PDE1A: variants seen among roughly 807,000 people sequenced by gnomAD.
PDE1A encodes dual specificity calcium/calmodulin-dependent 3',5'-cyclic nucleotide phosphodiesterase 1A.
In PDE1A, 35 loss-of-function variants were observed where a neutral mutation model predicts 61.7. The ratio of observed to expected loss-of-function variants is 0.57; its 90% CI spans 0.43 to 0.75. The LOEUF is 0.75. Among genes scored for constraint, PDE1A ranks in the 30% least tolerant of loss-of-function variants. The pLI is 0.00. For missense variants in PDE1A, 597 were observed against 630.6 expected (o/e 0.95, Z 0.57); for synonymous variants, 232 against 213.2 (o/e 1.09, Z -0.77).
chr2:182,253,220 C>T (rs1691531192), intron 2 of PDE1A, among the ~76,000 whole-genome samples: 1 of 152,188 alleles, frequency 6.6e-6, no homozygotes, highest in Non-Finnish European at 1.5e-5. Context: ...GTCCAACCTA[C>T]CTGGCTGTAA....
intron 1 of PDE1A, among the ~76,000 whole-genome samples, chr2:182,274,578 A>G (rs1295909181): frequency 1.3e-5 from 2 of 152,166 alleles, no homozygotes; most frequent in African/African-American, 2.4e-5. Context: ...TGGCATAAAA[A>G]GCAATCAAAT....
rs201821721 is a variant in PDE1A at position 182,364,466 on chromosome 2, T to TAAAAAAAAAAAAAAAAAAAAAAAA, written c.53+62088_53+62111dup. 2.2e-4 allele frequency among the ~76,000 whole-genome samples: 8 copies of TAAAAAAAAAAAAAAAAAAAAAAAA among 35,838 alleles called. 2 individuals are homozygous for TAAAAAAAAAAAAAAAAAAAAAAAA. Among genetic ancestry groups the TAAAAAAAAAAAAAAAAAAAAAAAA allele is most frequent in the South Asian group, 1.3e-3 (1 of 768 alleles). 23.5% of individuals were successfully genotyped at this position (35,838 alleles called of 152,430 possible). A position where few individuals can be genotyped will look rare whatever the true frequency, so the allele number is the denominator to read the frequency against. On this transcript the variant is annotated intron_variant, in intron 1 of 13. Coordinates refer to ENST00000351439, the Ensembl canonical transcript of PDE1A. ...CTCAGACTATATTAGAACACTTTGG[T>TAAAAAAAAAAAAAAAAAAAAAAAA]AAAAAAAAAAAAAAAAAAAAAAAAA...
chr2:182,344,926 C>T (rs570696338), intron 1 of PDE1A, among the ~76,000 whole-genome samples: 166 of 152,238 alleles, frequency 1.1e-3, no homozygotes, highest in Non-Finnish European at 1.7e-3. Context: ...CTGTAAATGG[C>T]CACCTCATTC....
the PDE1A span, among the ~76,000 whole-genome samples, chr2:182,711,409 G>A: frequency 1.3e-5 from 2 of 152,056 alleles, no homozygotes; most frequent in African/African-American, 4.8e-5. Flanking sequence ...ATATTACATT[G>A]CAATTGGAAA....
At chr2:182,294,621 G>A (rs1694751861) in intron 1 of PDE1A, among the ~76,000 whole-genome samples, 1 of 152,148 alleles carries the variant, frequency 6.6e-6, no homozygotes, top group African/African-American at 2.4e-5. Flanking sequence ...ACATTACCCT[G>A]TGTCTTTCAG....
At chr2:182,468,374 T>A (rs1686809628) in intron 2 of PDE1A, among the ~76,000 whole-genome samples, 1 of 151,992 alleles carries the variant, frequency 6.6e-6, no homozygotes, top group Non-Finnish European at 1.5e-5. Flanking sequence ...GTAGATTCCA[T>A]CTCAATAAAC....
the PDE1A span, among the ~76,000 whole-genome samples, chr2:182,692,880 T>C: frequency 6.6e-6 from 1 of 151,942 alleles, no homozygotes; most frequent in African/African-American, 2.4e-5. Flanking sequence ...TCTGTGATTA[T>C]GTTTTACTTA....
At chr2:182,370,487 AC>A (rs1206577629) in intron 1 of PDE1A, among the ~76,000 whole-genome samples, 1 of 152,178 alleles carries the variant, frequency 6.6e-6, no homozygotes, top group Non-Finnish European at 1.5e-5. Flanking sequence ...TTTAAGGATG[AC>A]TGGGAACAAT....
intron 1 of PDE1A, among the ~76,000 whole-genome samples, chr2:182,318,185 C>T (rs987766273): frequency 3.3e-5 from 5 of 152,086 alleles, no homozygotes; most frequent in African/African-American, 9.7e-5. Flanking sequence ...CTTAATATGT[C>T]CCCTCAATAT....
chr2:182,196,403 T>A (rs1686135249), intron 10 of PDE1A, among the ~76,000 whole-genome samples: 1 of 151,762 alleles, frequency 6.6e-6, no homozygotes, highest in South Asian at 2.1e-4. Context: ...TCTTCAGGAG[T>A]CTCTGGGATT....
At chr2:182,524,876 T>G (rs1030350324), upstream of PDE1A, among the ~76,000 whole-genome samples, 1 of 151,894 alleles carries the variant, frequency 6.6e-6, no homozygotes, top group Non-Finnish European at 1.5e-5. Flanking sequence ...TCAGGTAAAT[T>G]ATCTCTATTA....
downstream of PDE1A, among the ~76,000 whole-genome samples, chr2:182,165,690 T>C (rs1691619339): frequency 1.3e-5 from 2 of 152,210 alleles, no homozygotes. Flanking sequence ...CTGAAGGCAA[T>C]ACAGAATACA....
chr2:182,188,107 T>C (rs1685381124), intron 11 of PDE1A, among the ~76,000 whole-genome samples: 1 of 152,170 alleles, frequency 6.6e-6, no homozygotes, highest in Non-Finnish European at 1.5e-5. Flanking sequence ...TCTACTAACA[T>C]GGCAGCAATT....
intron 2 of PDE1A, among the ~76,000 whole-genome samples, chr2:182,439,313 A>G (rs1430433835): frequency 6.6e-6 from 1 of 151,976 alleles, no homozygotes; most frequent in Non-Finnish European, 1.5e-5. Flanking sequence ...TTATGGAGAT[A>G]AAATGTGGGG....
At chr2:182,318,865 C>T (rs1696521426) in intron 1 of PDE1A, among the ~76,000 whole-genome samples, 2 of 152,058 alleles carry the variant, frequency 1.3e-5, no homozygotes, top group African/African-American at 4.8e-5. Flanking sequence ...TTTAAAAAGA[C>T]TTTGTTCAGC....
chr2:182,424,072 G>C (rs183182909), intron 1 of PDE1A, among the ~76,000 whole-genome samples: 1 of 151,158 alleles, frequency 6.6e-6, no homozygotes, highest in African/African-American at 2.4e-5. Context: ...AGCCTCCCAA[G>C]TAGCTGGGAC....
At chr2:182,452,389 A>T (rs1049817169) in intron 2 of PDE1A, among the ~76,000 whole-genome samples, 2 of 152,124 alleles carry the variant, frequency 1.3e-5, no homozygotes, top group African/African-American at 4.8e-5. Context: ...ATGTGCACAT[A>T]TGTGTAGGGG....
chr2:182,185,379 A>C (rs561675993), intron 13 of PDE1A, among the ~76,000 whole-genome samples: 2 of 152,302 alleles, frequency 1.3e-5, no homozygotes, highest in South Asian at 4.1e-4. Context: ...GTCAGAAATA[A>C]CTGTAGCTAC....
chr2:182,611,609 C>T, the PDE1A span, among the ~76,000 whole-genome samples: 128 of 152,256 alleles, frequency 8.4e-4, no homozygotes, highest in African/African-American at 2.9e-3. Flanking sequence ...CCTTAACTTA[C>T]GACCTAAAAT....
Sources: gnomAD v4.1 joint callset for allele counts (sites outside exome capture counted in the v4.1 genomes callset) on GRCh38, gnomAD v4.1.1 for gene constraint, MANE v1.5 for transcripts, NCBI Gene and HGNC (gene_info 2026-07-23, HGNC 2026-07-21) for gene names.